Variants in SLCO1B3 observed in about 807,000 individuals in gnomAD.
The protein encoded by SLCO1B3 is solute carrier organic anion transporter family member 1B3, also known as liver-specific organic anion transporter 2.
A neutral mutation model predicts 71.8 loss-of-function variants in SLCO1B3; 72 were observed. That is an observed-to-expected ratio of 1.00 (90% CI 0.83 to 1.22). The LOEUF (loss-of-function observed/expected upper bound fraction) is 1.22. SLCO1B3 is among the 50% of genes most tolerant of loss of function. SLCO1B3 has a pLI of 0.00. For synonymous variants in SLCO1B3, 298 were observed against 278.4 expected (o/e 1.07, Z -0.70); for missense variants, 911 against 819.7 (o/e 1.11, Z -1.36).
intron 8 of SLCO1B3, among the ~76,000 whole-genome samples, chr12:20,871,110 CA>C (rs1319525689): frequency 6.6e-6 from 1 of 152,044 alleles, no homozygotes; most frequent in Non-Finnish European, 1.5e-5. Context: ...AGGATATTTG[CA>C]TCAATATTCA....
At chr12:20,834,647 T>C (rs1235821558) in intron 3 of SLCO1B3, among the ~76,000 whole-genome samples, 2 of 151,994 alleles carry the variant, frequency 1.3e-5, no homozygotes, top group East Asian at 3.9e-4. Context: ...TCAGTGTGTA[T>C]AAGCTGAATG....
At chr12:20,839,558 T>A (rs1308802105) in intron 3 of SLCO1B3, among the ~76,000 whole-genome samples, 2 of 152,144 alleles carry the variant, frequency 1.3e-5, no homozygotes, top group Non-Finnish European at 2.9e-5. Context: ...ATAGGTATTT[T>A]ATTTTCCCTC....
chr12:20,814,862 C>A (rs1053566229), intron 2 of SLCO1B3, among the ~76,000 whole-genome samples: 10 of 150,540 alleles, frequency 6.6e-5, no homozygotes, highest in South Asian at 4.2e-4. Flanking sequence ...ACGCTACTGC[C>A]CTCCAGCCCG....
chr12:20,865,825 T>C (rs1865363102), intron 8 of SLCO1B3, among the ~76,000 whole-genome samples: 1 of 152,124 alleles, frequency 6.6e-6, no homozygotes, highest in Admixed American at 6.6e-5. Context: ...GAAACTCTTA[T>C]AGACCTTACA....
chr12:20,861,047 T>G lies in SLCO1B3; in HGVS notation c.390T>G (p.Asn130Lys). 6.3e-7 allele frequency: 1 copy of G among 1,596,876 alleles called. No homozygotes were observed. The highest frequency in any genetic ancestry group is 8.6e-7 in the Non-Finnish European group (1 of 1,168,330). Residue 130 changes from asparagine to lysine, a missense_variant, in exon 6 of 16, where the codon AAT becomes AAG. Transcript: ENST00000381545. ...GGTATTCTAAAGAAACCCATATTAA[T>G]CCATCAGAAAATTCAACATCAAGTT... Reference protein sequence around the residue: ...YYRYSKETHINPSENSTSSLS... With the variant: ...YYRYSKETHIKPSENSTSSLS...
At chr12:20,847,692 G>A (rs1032229924) in intron 3 of SLCO1B3, among the ~76,000 whole-genome samples, 3 of 148,502 alleles carry the variant, frequency 2.0e-5, no homozygotes, top group Admixed American at 6.8e-5. Flanking sequence ...AGTCTGAGAA[G>A]CAGAAAATAT....
chr12:20,909,568 T>G (rs898595559), intron 15 of SLCO1B3, among the ~76,000 whole-genome samples: 1 of 152,150 alleles, frequency 6.6e-6, no homozygotes, highest in Non-Finnish European at 1.5e-5. Flanking sequence ...CTGTTTTTTC[T>G]ATTGTTGAAT....
intron 8 of SLCO1B3, among the ~76,000 whole-genome samples, chr12:20,870,703 T>C (rs573669575): frequency 2.0e-5 from 3 of 152,340 alleles, no homozygotes; most frequent in African/African-American, 7.2e-5. Flanking sequence ...ATGCCAGTAC[T>C]GTAATGTATT....
intron 8 of SLCO1B3, among the ~76,000 whole-genome samples, chr12:20,875,014 T>C (rs1428166860): frequency 6.6e-6 from 1 of 152,188 alleles, no homozygotes; most frequent in Non-Finnish European, 1.5e-5. Context: ...ATGCGAACAG[T>C]GTCATGACTG....
At chr12:20,845,052 C>A in intron 3 of SLCO1B3, 1 of 302,002 alleles carries the variant, frequency 3.3e-6, no homozygotes, top group Non-Finnish European at 6.4e-6. Flanking sequence ...AAAAAAGCAC[C>A]AGTTCTATCC....
intron 3 of SLCO1B3, among the ~76,000 whole-genome samples, chr12:20,828,101 A>G (rs556414917): frequency 1.9e-4 from 29 of 152,276 alleles, no homozygotes; most frequent in Non-Finnish European, 3.7e-4. Flanking sequence ...TTTAGTCTCT[A>G]TCTTTTAATT....
chr12:20,842,473 T>G (rs1284465325), intron 3 of SLCO1B3, among the ~76,000 whole-genome samples: 2 of 149,508 alleles, frequency 1.3e-5, no homozygotes, highest in East Asian at 4.0e-4. Context: ...TATGTAAATC[T>G]ATTTGGGCTA....
chr12:20,915,071 C>T (rs971532332), intron 15 of SLCO1B3, among the ~76,000 whole-genome samples: 3 of 151,966 alleles, frequency 2.0e-5, no homozygotes, highest in African/African-American at 7.2e-5. Context: ...TAAAAATTTT[C>T]TGTACTTATT....
At chr12:20,904,699 A>G (rs1866201121) in intron 15 of SLCO1B3, among the ~76,000 whole-genome samples, 1 of 139,224 alleles carries the variant, frequency 7.2e-6, no homozygotes, top group African/African-American at 2.7e-5. Context: ...CTGCCCTAGT[A>G]TAGGTTTTTC....
At chr12:20,860,628 T>C (rs1387337782) in intron 5 of SLCO1B3, among the ~76,000 whole-genome samples, 1 of 151,898 alleles carries the variant, frequency 6.6e-6, no homozygotes, top group African/African-American at 2.4e-5. Context: ...TGTGTGTGTG[T>C]GTGTGTGTAC....
chr12:20,901,209 G>T, intron 14 of SLCO1B3, 141 bp from the exon 15 acceptor site: 1 of 613,000 alleles, frequency 1.6e-6, no homozygotes, highest in South Asian at 2.0e-5. Context: ...TTTGATTCCT[G>T]GGTGGATGTA....
In SLCO1B3 at chr12:20,875,270, G is replaced by C. The variant is rs777348477; in HGVS notation, c.763G>C (p.Val255Leu). ...IRITPKDSRW[V>L]GAWWLGFLVS... ...AATAACTCCTAAGGACTCTCGTTGG[G>C]TTGGAGCTTGGTGGCTTGGTTTCCT... The change falls in exon 9 of 16, where the codon GTT (valine) becomes CTT (leucine). Residue 255 changes from valine to leucine, a missense_variant. Coordinates refer to ENST00000381545, the MANE Select transcript of SLCO1B3 (RefSeq NM_019844.4). 17 of 1,613,196 alleles carry C rather than the reference G, an allele frequency of 1.1e-5. No individual in the cohort carries two copies. Among genetic ancestry groups the C allele is most frequent in the Non-Finnish European group, 1.4e-5 (17 of 1,179,634 alleles).
chr12:20,819,255 G>A (rs1389675743), intron 3 of SLCO1B3, among the ~76,000 whole-genome samples: 1 of 152,162 alleles, frequency 6.6e-6, no homozygotes. Flanking sequence ...TGAGGTTTGG[G>A]AGATTAATCG....
intron 12 of SLCO1B3, among the ~76,000 whole-genome samples, chr12:20,881,533 T>C (rs1865693829): frequency 6.6e-6 from 1 of 152,204 alleles, no homozygotes; most frequent in South Asian, 2.1e-4. Flanking sequence ...CAAGTCTTCA[T>C]GTTCACTTGA....
Sources: gnomAD v4.1 joint callset for allele counts (sites outside exome capture counted in the v4.1 genomes callset) on GRCh38, gnomAD v4.1.1 for gene constraint, MANE v1.5 for transcripts, NCBI Gene and HGNC (gene_info 2026-07-23, HGNC 2026-07-21) for gene names.